Variants in CSMD1 observed in about 807,000 individuals in gnomAD.
CSMD1 encodes the protein CUB and Sushi multiple domains 1.
Under a neutral mutation model 417.5 loss-of-function variants are expected in CSMD1, and 213 were observed. The ratio of observed to expected loss-of-function variants is 0.51; its 90% confidence interval spans 0.46 to 0.57. The LOEUF is 0.57. Among genes scored for constraint, CSMD1 ranks in the 20% least tolerant of loss-of-function variants. CSMD1 has a pLI of 0.00. For missense variants in CSMD1, 6,923 were observed against 4,529.7 expected (o/e 1.53, Z -15.17); for synonymous variants, 2,862 against 1,736.8 (o/e 1.65, Z -16.11).
At chr8:4,322,605 A>G (rs1023579291) in intron 3 of CSMD1, among the ~76,000 whole-genome samples, 7 of 152,242 alleles carry the variant, frequency 4.6e-5, no homozygotes, top group African/African-American at 1.7e-4. Flanking sequence ...GACATGTTGT[A>G]GAAGCAGAAA....
At chr8:3,262,999 A>G (rs1801189969) in intron 26 of CSMD1, among the ~76,000 whole-genome samples, 1 of 152,230 alleles carries the variant, frequency 6.6e-6, no homozygotes, top group Non-Finnish European at 1.5e-5. Flanking sequence ...TACAGTTATT[A>G]AGCTAGGCAA....
At chr8:4,625,921 A>C (rs1802078364) in intron 2 of CSMD1, among the ~76,000 whole-genome samples, 1 of 152,014 alleles carries the variant, frequency 6.6e-6, no homozygotes, top group Non-Finnish European at 1.5e-5. Context: ...ACGGGGTTTC[A>C]CCATGTTGGC....
intron 2 of CSMD1, among the ~76,000 whole-genome samples, chr8:4,438,704 C>T (rs750336631): frequency 1.3e-5 from 2 of 152,244 alleles, no homozygotes; most frequent in East Asian, 3.9e-4. Flanking sequence ...GGCCTTCATA[C>T]TCAGTTGAGA....
At chr8:4,470,274 G>T (rs1179007602) in intron 2 of CSMD1, among the ~76,000 whole-genome samples, 1 of 152,002 alleles carries the variant, frequency 6.6e-6, no homozygotes, top group African/African-American at 2.4e-5. Flanking sequence ...CCTCTATCCC[G>T]AGCCTTCTCC....
At position 2,984,813 on chromosome 8, in the gene CSMD1, G is replaced by A. The variant is rs372747681; in HGVS notation, c.8378-6013C>T. 5.9e-5 allele frequency among the ~76,000 whole-genome samples: 9 copies of A among 152,216 alleles called. No homozygotes were observed. The South Asian group carries it at 1.7e-3, about 28-fold the overall frequency. On this transcript the variant is annotated intron_variant, in intron 54 of 69. Transcript: ENST00000635120. Reference sequence around the variant, plus strand: ...TTTGGAGGTAATAAACTTTTCAATCGTCCATACCACCATCGACTTCAGATT... The same window carrying A: ...TTTGGAGGTAATAAACTTTTCAATCATCCATACCACCATCGACTTCAGATT...
intron 3 of CSMD1, among the ~76,000 whole-genome samples, chr8:4,093,517 A>G (rs1403924848): frequency 1.3e-5 from 2 of 152,354 alleles, no homozygotes; most frequent in East Asian, 1.9e-4. Flanking sequence ...TCAAAGGAAT[A>G]TAGTGAAATT....
chr8:3,777,121 TACACACACACAC>T lies in CSMD1; in HGVS notation c.819-23091_819-23080del, dbSNP rs3028584. ...TCTGTCTATATTAGCTATCTATACC[TACACACACACAC>T]ACACACACACACACACACACACACA... On this transcript the variant is annotated intron_variant, in intron 5 of 69. Transcript: ENST00000635120. Among the ~76,000 whole-genome samples the T allele has an allele frequency of 5.8e-3, 853 of 146,602 alleles. 6 individuals are homozygous for T. The highest frequency in any genetic ancestry group is 0.017 in the African/African-American group (677 of 39,226).
chr8:4,340,671 G>C (rs929242274), intron 3 of CSMD1, among the ~76,000 whole-genome samples: 5 of 152,044 alleles, frequency 3.3e-5, no homozygotes, highest in African/African-American at 9.7e-5. Context: ...TTAACCTAGA[G>C]AGTAGGCTGG....
intron 25 of CSMD1, among the ~76,000 whole-genome samples, chr8:3,299,918 G>T (rs148142943): frequency 2.0e-5 from 3 of 152,152 alleles, no homozygotes; most frequent in Non-Finnish European, 2.9e-5. Flanking sequence ...CCTTTTAGAG[G>T]CAATTTGGTA....
At chr8:3,759,691 C>G (rs1176681282) in intron 5 of CSMD1, among the ~76,000 whole-genome samples, 1 of 146,616 alleles carries the variant, frequency 6.8e-6, no homozygotes, top group Admixed American at 7.0e-5. Flanking sequence ...GTCAGGAGTT[C>G]GAGACCAGCC....
At chr8:4,602,378 G>T (rs1800636468) in intron 2 of CSMD1, among the ~76,000 whole-genome samples, 1 of 152,126 alleles carries the variant, frequency 6.6e-6, no homozygotes, top group African/African-American at 2.4e-5. Context: ...TGCCAGGAGA[G>T]ATCCACTATT....
At chr8:3,881,534 G>C (rs577880071) in intron 5 of CSMD1, among the ~76,000 whole-genome samples, 110 of 150,336 alleles carry the variant, frequency 7.3e-4, no homozygotes, top group African/African-American at 2.6e-3. Context: ...CTACTCAGGA[G>C]GCTGAGGTTG....
chr8:4,072,415 C>G (rs950976217), intron 3 of CSMD1, among the ~76,000 whole-genome samples: 59 of 152,246 alleles, frequency 3.9e-4, no homozygotes, highest in African/African-American at 1.4e-3. Flanking sequence ...GCATTTTACA[C>G]CATTATATTA....
chr8:3,366,866 G>A (rs540128069), intron 20 of CSMD1, among the ~76,000 whole-genome samples, 166 bp downstream of exon 20: 45 of 152,212 alleles, frequency 3.0e-4, no homozygotes, highest in East Asian at 1.9e-4. Context: ...ACCCTGCTTC[G>A]TGGAGGCTCA....
chr8:3,813,010 C>T (rs1247357910), intron 5 of CSMD1, among the ~76,000 whole-genome samples: 1 of 151,144 alleles, frequency 6.6e-6, no homozygotes, highest in Admixed American at 6.6e-5. Context: ...TCTTAGATTA[C>T]TTAATGGTAT....
chr8:3,386,567 G>A (rs1439918624), intron 18 of CSMD1, among the ~76,000 whole-genome samples: 2 of 152,146 alleles, frequency 1.3e-5, no homozygotes, highest in East Asian at 3.9e-4. Flanking sequence ...CTGTTATTTT[G>A]GGTGCTCATT....
intron 1 of CSMD1, among the ~76,000 whole-genome samples, chr8:4,817,811 T>C (rs1036530910): frequency 6.6e-6 from 1 of 152,204 alleles, no homozygotes; most frequent in Non-Finnish European, 1.5e-5. Flanking sequence ...GATATATAAG[T>C]GCAGGGAGCT....
At chr8:4,053,751 G>A (rs1466068760) in intron 3 of CSMD1, among the ~76,000 whole-genome samples, 1 of 152,114 alleles carries the variant, frequency 6.6e-6, no homozygotes, top group South Asian at 2.1e-4. Flanking sequence ...ATTTCCTCTG[G>A]ATATGATGGC....
chr8:3,703,258 G>C (rs557177527), intron 7 of CSMD1, among the ~76,000 whole-genome samples: 1 of 152,168 alleles, frequency 6.6e-6, no homozygotes, highest in Non-Finnish European at 1.5e-5. Flanking sequence ...TATGTGGTTA[G>C]GTTTTGTGCA....
Sources: gnomAD v4.1 joint callset for allele counts (sites outside exome capture counted in the v4.1 genomes callset) on GRCh38, gnomAD v4.1.1 for gene constraint, MANE v1.5 for transcripts, NCBI Gene and HGNC (gene_info 2026-07-23, HGNC 2026-07-21) for gene names.